The following MCOLN2 variants were observed in gnomAD, a reference collection of about 807,000 sequenced individuals.
The protein encoded by MCOLN2 is mucolipin-2.
In MCOLN2, 57 loss-of-function variants were observed where a neutral mutation model predicts 67.5. The ratio of observed to expected loss-of-function variants is 0.84; its 90% CI spans 0.68 to 1.05. The LOEUF (loss-of-function observed/expected upper bound fraction) is 1.05, where lower values mean the gene tolerates loss of function less well. Among genes scored for constraint, MCOLN2 ranks in the 50% least tolerant of loss-of-function variants. The probability of loss-of-function intolerance (pLI) is 0.00; values close to 1 mark genes in which losing one functional copy is unlikely to be tolerated. For synonymous variants in MCOLN2, 246 were observed against 233.3 expected, an observed-to-expected ratio of 1.05 and a Z score of -0.50; for missense variants, 620 against 678.8, an observed-to-expected ratio of 0.91 and a Z score of 0.96.
chr1:84,951,929 CA>C (rs917103403), intron 6 of MCOLN2, among the ~76,000 whole-genome samples: 1 of 151,944 alleles, frequency 6.6e-6, no homozygotes, highest in African/African-American at 2.4e-5. Flanking sequence ...AATAAAAACA[CA>C]AAAAAGTTAA....
At chr1:84,928,376 C>CTT (rs1276325569) in intron 13 of MCOLN2, among the ~76,000 whole-genome samples, 1 of 152,166 alleles carries the variant, frequency 6.6e-6, no homozygotes, top group Non-Finnish European at 1.5e-5. Flanking sequence ...CAGACCCAAT[C>CTT]TTACCCAAAC....
intron 7 of MCOLN2, among the ~76,000 whole-genome samples, chr1:84,945,171 C>T (rs1263087905): frequency 6.6e-6 from 1 of 152,170 alleles, no homozygotes; most frequent in Non-Finnish European, 1.5e-5. Context: ...GCAAGGAAAA[C>T]CCCTAACGTT....
At chr1:84,971,761 C>A (rs1649701766) in intron 1 of MCOLN2, among the ~76,000 whole-genome samples, 1 of 152,072 alleles carries the variant, frequency 6.6e-6, no homozygotes, top group Non-Finnish European at 1.5e-5. Context: ...GCTTCATAAC[C>A]AAGAATTAGG....
At chr1:84,934,926 G>A (rs1189287234) in intron 11 of MCOLN2, among the ~76,000 whole-genome samples, 2 of 152,220 alleles carry the variant, frequency 1.3e-5, no homozygotes, top group Non-Finnish European at 2.9e-5. Context: ...GGAAGCTGAA[G>A]TGTTATGGGA....
chr1:84,965,457 G>T, intron 2 of MCOLN2, 92 bp downstream of exon 2: 1 of 1,367,118 alleles, frequency 7.3e-7, no homozygotes. Context: ...TTGAGTGTGG[G>T]CTTTTCAGAA....
intron 11 of MCOLN2, among the ~76,000 whole-genome samples, chr1:84,936,527 A>T (rs370610695): frequency 7.9e-5 from 12 of 152,144 alleles, no homozygotes; most frequent in African/African-American, 2.9e-4. Context: ...TCAAAGAATA[A>T]TTTTTTCTCA....
intron 1 of MCOLN2, among the ~76,000 whole-genome samples, chr1:84,988,120 G>C (rs1326698184): frequency 6.6e-6 from 1 of 152,064 alleles, no homozygotes; most frequent in Non-Finnish European, 1.5e-5. Context: ...TGCTTCAGTT[G>C]GAATCCTTAG....
At chr1:84,967,103 ATCAGTGACT>A (rs1203905112) in intron 1 of MCOLN2, among the ~76,000 whole-genome samples, 1 of 152,182 alleles carries the variant, frequency 6.6e-6, no homozygotes, top group Admixed American at 6.5e-5. Context: ...AAGTTTGGAG[ATCAGTGACT>A]TCAAGCATAG....
chr1:84,949,086 C>T (rs1648276542), intron 6 of MCOLN2, among the ~76,000 whole-genome samples: 1 of 152,174 alleles, frequency 6.6e-6, no homozygotes, highest in Non-Finnish European at 1.5e-5. Flanking sequence ...GCTGAGATCA[C>T]ACCACTGCAC....
intron 3 of MCOLN2, among the ~76,000 whole-genome samples, chr1:84,957,012 C>T (rs1456710096): frequency 2.0e-5 from 3 of 152,114 alleles, no homozygotes; most frequent in Non-Finnish European, 4.4e-5. Context: ...CTCTCAATTC[C>T]GCACCTCAAT....
chr1:84,992,180 G>A (rs1411950377), intron 1 of MCOLN2, among the ~76,000 whole-genome samples: 2 of 152,116 alleles, frequency 1.3e-5, no homozygotes, highest in Non-Finnish European at 2.9e-5. Context: ...TTTAAATTGT[G>A]GGTCTTCTAG....
intron 1 of MCOLN2, among the ~76,000 whole-genome samples, chr1:84,968,583 A>T (rs1234515954): frequency 6.6e-6 from 1 of 152,254 alleles, no homozygotes; most frequent in Non-Finnish European, 1.5e-5. Flanking sequence ...ATATTATGAC[A>T]TACATACATG....
intron 1 of MCOLN2, among the ~76,000 whole-genome samples, chr1:84,991,106 G>A (rs1053179729): frequency 5.9e-5 from 9 of 151,782 alleles, no homozygotes; most frequent in South Asian, 2.1e-4. Flanking sequence ...GGTGGTTAAC[G>A]TATGAATTCT....
At chr1:84,990,683 T>G (rs1171606374) in intron 1 of MCOLN2, among the ~76,000 whole-genome samples, 1 of 152,076 alleles carries the variant, frequency 6.6e-6, no homozygotes, top group African/African-American at 2.4e-5. Context: ...TTTGGGAAGC[T>G]GAGGCAGGAG....
At chr1:84,979,840 G>T (rs1479381069) in intron 1 of MCOLN2, among the ~76,000 whole-genome samples, 1 of 152,068 alleles carries the variant, frequency 6.6e-6, no homozygotes, top group Admixed American at 6.6e-5. Flanking sequence ...TCAGATAAGA[G>T]AAAGATATAA....
chr1:84,981,585 T>C (rs543218153), intron 1 of MCOLN2, among the ~76,000 whole-genome samples: 1 of 152,166 alleles, frequency 6.6e-6, no homozygotes, highest in African/African-American at 2.4e-5. Context: ...TCTCACTTAT[T>C]TGTGTGATCT....
At chr1:84,959,969 G>A (rs375922015) in intron 2 of MCOLN2, among the ~76,000 whole-genome samples, 19 of 152,336 alleles carry the variant, frequency 1.2e-4, no homozygotes, top group African/African-American at 3.6e-4. Flanking sequence ...GGAGGCCGAG[G>A]TGGGAGGATC....
In MCOLN2 at chr1:84,952,547, A is replaced by C; in HGVS notation, c.566-17T>G. ...GAACACAATCTAGGGCAATGAAAGA[A>C]CAAGAAATGGTTGTTTCAGGCAAGA... On this transcript the variant is annotated splice_polypyrimidine_tract_variant and intron_variant, in intron 4 of 13. Transcript: ENST00000370608. The C allele has an allele frequency of 1.3e-6, 2 of 1,558,396 alleles. No homozygotes were observed. The highest frequency in any genetic ancestry group is 1.8e-6 in the Non-Finnish European group (2 of 1,129,616).
chr1:84,929,825 C>G (rs750551691), intron 12 of MCOLN2, 146 bp from the exon 13 acceptor site: 52 of 667,276 alleles, frequency 7.8e-5, no homozygotes, highest in Non-Finnish European at 1.1e-4. Context: ...AATGATGAAT[C>G]AATCTGTCAG....
Sources: allele counts gnomAD v4.1 joint callset (sites outside exome capture counted in the v4.1 genomes callset), GRCh38; gene constraint gnomAD v4.1.1; transcripts MANE v1.5; gene names NCBI Gene and HGNC (gene_info 2026-07-23, HGNC 2026-07-21).